GULP1: variants seen among roughly 807,000 people sequenced by gnomAD.
The protein encoded by GULP1 is PTB domain-containing engulfment adapter protein 1.
A neutral mutation model predicts 40.9 loss-of-function variants in GULP1; 19 were observed. That is an observed-to-expected ratio of 0.46 (90% CI 0.32 to 0.68). The LOEUF (loss-of-function observed/expected upper bound fraction) is 0.68, where lower values mean the gene tolerates loss of function less well. GULP1 is among the 30% of genes least tolerant of loss of function. The pLI is 0.03. For missense variants in GULP1, 312 were observed against 362.2 expected (o/e 0.86, Z 1.12); for synonymous variants, 119 against 117.6 (o/e 1.01, Z -0.08).
chr2:188,462,104 A>G (rs892953093), intron 2 of GULP1, among the ~76,000 whole-genome samples: 2 of 152,016 alleles, frequency 1.3e-5, no homozygotes, highest in African/African-American at 4.8e-5. Context: ...TGCTGTATCC[A>G]GTGTGCTTCA....
At chr2:188,475,700 T>C (rs2060953553) in intron 2 of GULP1, among the ~76,000 whole-genome samples, 2 of 152,130 alleles carry the variant, frequency 1.3e-5, no homozygotes, top group Admixed American at 1.3e-4. Context: ...CTTTTTCTAC[T>C]AGTTTATTTT....
At chr2:188,518,869 A>C (rs1376826327) in intron 4 of GULP1, among the ~76,000 whole-genome samples, 2 of 152,190 alleles carry the variant, frequency 1.3e-5, no homozygotes, top group African/African-American at 4.8e-5. Context: ...TATTATCTCT[A>C]TCTTTCAAAA....
At chr2:188,502,974 A>G (rs886110500) in intron 4 of GULP1, among the ~76,000 whole-genome samples, 1 of 151,800 alleles carries the variant, frequency 6.6e-6, no homozygotes, top group Non-Finnish European at 1.5e-5. Context: ...CAGAAAGGAC[A>G]GATGGGCAAT....
chr2:188,521,142 A>C (rs1428121586), intron 4 of GULP1, among the ~76,000 whole-genome samples: 2 of 152,116 alleles, frequency 1.3e-5, no homozygotes, highest in African/African-American at 4.8e-5. Flanking sequence ...AAGAGCAAAA[A>C]AAAATCTTTG....
chr2:188,346,894 C>T (rs1019287060), intron 1 of GULP1, among the ~76,000 whole-genome samples: 14 of 151,020 alleles, frequency 9.3e-5, no homozygotes, highest in East Asian at 2.0e-4. Flanking sequence ...TAGCTGGAAC[C>T]CGGGAGGCAG....
At chr2:188,427,253 A>G (rs1248585879) in intron 2 of GULP1, among the ~76,000 whole-genome samples, 1 of 152,212 alleles carries the variant, frequency 6.6e-6, no homozygotes, top group Admixed American at 6.5e-5. Flanking sequence ...GAAGATTGGC[A>G]GCCTGGTCAT....
intron 9 of GULP1, among the ~76,000 whole-genome samples, chr2:188,574,713 A>G (rs1699819104): frequency 1.3e-5 from 2 of 152,198 alleles, no homozygotes; most frequent in Admixed American, 1.3e-4. Context: ...ATGACAAGCC[A>G]TCTTCTCTAA....
intron 1 of GULP1, among the ~76,000 whole-genome samples, chr2:188,326,920 C>A (rs1408378464): frequency 6.6e-6 from 1 of 152,040 alleles, no homozygotes; most frequent in East Asian, 1.9e-4. Context: ...ACAGTCTGTA[C>A]AAGGCATCGG....
chr2:188,577,349 G>A (rs978855557), intron 9 of GULP1, among the ~76,000 whole-genome samples: 2 of 151,910 alleles, frequency 1.3e-5, no homozygotes, highest in Admixed American at 6.6e-5. Flanking sequence ...TGCTACTATT[G>A]AAGTGAGAAT....
At chr2:188,318,592 A>T (rs543625283) in intron 1 of GULP1, among the ~76,000 whole-genome samples, 2 of 152,148 alleles carry the variant, frequency 1.3e-5, no homozygotes, top group African/African-American at 4.8e-5. Flanking sequence ...GCAGCTTTCC[A>T]TAAGACATGC....
At chr2:188,361,611 T>A (rs1049076460) in intron 1 of GULP1, among the ~76,000 whole-genome samples, 1 of 151,992 alleles carries the variant, frequency 6.6e-6, no homozygotes, top group South Asian at 2.1e-4. Context: ...ACATTTGATG[T>A]TTGTTGTGAT....
At chr2:188,547,156 A>G (rs78872578) in intron 7 of GULP1, among the ~76,000 whole-genome samples, 3,193 of 151,948 alleles carry the variant, frequency 0.021, 103 homozygotes, top group African/African-American at 0.073. Context: ...AATCCATTCC[A>G]GTGAAAAATA....
intron 1 of GULP1, chr2:188,294,534 T>A (rs1413818047): frequency 1.3e-5 from 2 of 152,100 alleles, no homozygotes; most frequent in Non-Finnish European, 2.9e-5. Flanking sequence ...CTTTTTTTTT[T>A]CTTCAGAGAG....
At chr2:188,507,517 A>G (rs2064052225) in intron 4 of GULP1, among the ~76,000 whole-genome samples, 1 of 151,216 alleles carries the variant, frequency 6.6e-6, no homozygotes, top group Admixed American at 6.6e-5. Flanking sequence ...CATGACTCTA[A>G]CGCTATTATA....
intron 2 of GULP1, among the ~76,000 whole-genome samples, chr2:188,445,761 G>T (rs1324416411): frequency 5.9e-5 from 9 of 152,124 alleles, no homozygotes; most frequent in Non-Finnish European, 1.3e-4. Flanking sequence ...TCTTATTCAT[G>T]TTCTATTATT....
At chr2:188,369,578 C>T (rs1427392691) in intron 1 of GULP1, among the ~76,000 whole-genome samples, 1 of 152,066 alleles carries the variant, frequency 6.6e-6, no homozygotes, top group Non-Finnish European at 1.5e-5. Flanking sequence ...AGTTGATCCT[C>T]TGCCATTGGG....
intron 9 of GULP1, among the ~76,000 whole-genome samples, chr2:188,579,730 C>T (rs1286619371): frequency 6.6e-6 from 1 of 152,104 alleles, no homozygotes; most frequent in Admixed American, 6.5e-5. Context: ...TATATAAATA[C>T]TTGATTATTT....
At chr2:188,401,674 A>T (rs902230420) in intron 2 of GULP1, among the ~76,000 whole-genome samples, 1 of 152,110 alleles carries the variant, frequency 6.6e-6, no homozygotes, top group Admixed American at 6.6e-5. Context: ...TGGGGATAGT[A>T]TTGTATGTCC....
chr2:188,421,398 A>G, intron 2 of GULP1, among the ~76,000 whole-genome samples: 1 of 152,250 alleles, frequency 6.6e-6, no homozygotes, highest in East Asian at 1.9e-4. Context: ...ATGTATTCAT[A>G]AATATATATG....
Sources: gnomAD v4.1 joint callset for allele counts (sites outside exome capture counted in the v4.1 genomes callset) on GRCh38, gnomAD v4.1.1 for gene constraint, MANE v1.5 for transcripts, NCBI Gene and HGNC (gene_info 2026-07-23, HGNC 2026-07-21) for gene names.